The following IK variants were observed in gnomAD, a reference collection of about 807,000 sequenced individuals.
IK encodes the protein protein Red.
A neutral mutation model predicts 90.9 loss-of-function variants in IK; 47 were observed. The ratio of observed to expected loss-of-function variants is 0.52; its 90% CI spans 0.41 to 0.66. IK has a LOEUF of 0.66. Among genes scored for constraint, IK ranks in the 30% least tolerant of loss-of-function variants. The probability of loss-of-function intolerance (pLI) is 0.00; values close to 1 mark genes in which losing one functional copy is unlikely to be tolerated. For missense variants in IK, 385 were observed against 709.3 expected (o/e 0.54, Z 5.19); for synonymous variants, 201 against 227.5 (o/e 0.88, Z 1.05).
chr5:140,660,305 T>C (rs1270472250), intron 15 of IK, 110 bp downstream of exon 15: 1 of 663,846 alleles, frequency 1.5e-6, no homozygotes, highest in Non-Finnish European at 2.5e-6. Context: ...TTTTTTTTTT[T>C]TTTTTTTTTG....
chr5:140,651,373 AG>A (rs918474322), intron 2 of IK, among the ~76,000 whole-genome samples: 10 of 150,106 alleles, frequency 6.7e-5, no homozygotes, highest in Middle Eastern at 3.4e-3. Context: ...CAGGAGGCAG[AG>A]GTTGCAGTGG....
rs111904454 is a variant in IK, at chr5:140,648,175, CTTT to C, written c.16+252_16+254del. 6.3e-3 allele frequency: 4,424 copies of C among 706,154 alleles called. 148 individuals carry two copies. In the African/African-American group the frequency reaches 0.069, roughly 11 times the overall value. 43.7% of individuals were successfully genotyped at this position (706,154 alleles called of 1,614,324 possible). ...ATGGGCGGCTTTTGTGCGTGGATCG[CTTT>C]CCCCCAGTCCTGTCCCCATACTTAA... On this transcript the variant is annotated intron_variant, in intron 1 of 19. Transcript: ENST00000417647.
At chr5:140,658,270 C>T (rs1480697913) in intron 10 of IK, among the ~76,000 whole-genome samples, 1 of 152,008 alleles carries the variant, frequency 6.6e-6, no homozygotes, top group East Asian at 1.9e-4. Flanking sequence ...TCCCAAAGTG[C>T]TGGGATTACA....
Position 140,661,835 on chromosome 5 carries a change from T to A in IK, c.1503-64T>A. On this transcript the variant is annotated intron_variant, in intron 17 of 19. Coordinates refer to ENST00000417647, the MANE Select transcript of IK (RefSeq NM_006083.4). The surrounding 1 kb of genome is among the most constrained non-coding windows in gnomAD (Gnocchi z 4.2). ...CCACTAAGTTCTTTGCCCACAGGAC[T>A]CTGGGAAAACCTCGCCACTGCTATG... 6.7e-7 allele frequency: 1 copy of A among 1,489,022 alleles called. No individual in the cohort carries two copies. Among genetic ancestry groups the A allele is most frequent in the Middle Eastern group, 1.7e-4 (1 of 5,768 alleles). 92.2% of individuals were successfully genotyped at this position (1,489,022 alleles called of 1,614,324 possible).
At chr5:140,655,021 C>A (rs1757682473) in intron 8 of IK, among the ~76,000 whole-genome samples, 1 of 151,816 alleles carries the variant, frequency 6.6e-6, no homozygotes, top group Non-Finnish European at 1.5e-5. Context: ...CTGTGTATTG[C>A]CCAGGCCGGT....
chr5:140,655,833 C>T lies in IK; in HGVS notation c.642C>T (p.Arg214=). The change falls in exon 9 of 20, where the codon CGC becomes CGT. Residue 214 remains arginine (R), a synonymous_variant. Transcript: ENST00000417647. ...NKIEFKTRLG[R]NVYRMLFKSK... Reference sequence around the variant, plus strand: ...CTGCTCTTCTCCTTATTGTAGGCCGCAATGTTTACCGAATGCTTTTTAAGA... The same window carrying T: ...CTGCTCTTCTCCTTATTGTAGGCCGTAATGTTTACCGAATGCTTTTTAAGA... 6.2e-7 allele frequency: 1 copy of T among 1,610,368 alleles called. No individual in the cohort carries two copies.
chr5:140,648,232 G>A, intron 1 of IK: 1 of 704,122 alleles, frequency 1.4e-6, no homozygotes, highest in South Asian at 1.5e-5. Context: ...TATCTTTTAC[G>A]TAGTATTTTA....
In IK at chr5:140,654,127, G is replaced by C. The variant is rs186533523; in HGVS notation, c.519+75G>C. On this transcript the variant is annotated intron_variant, in intron 6 of 19. Coordinates refer to ENST00000417647, the MANE Select transcript of IK (RefSeq NM_006083.4). ...TTGTATGGGTCTGGCAAGATGAGGA[G>C]GGAGATTCCTGAGAGTTCAGACTGA... 1.6e-4 allele frequency: 134 copies of C among 840,718 alleles called. No individual in the cohort carries two copies. The African/African-American group carries it at 1.9e-3, about 12-fold the overall frequency. 52.1% of individuals were successfully genotyped at this position (840,718 alleles called of 1,614,324 possible).
At chr5:140,652,472 A>G (rs1757629597) in intron 4 of IK, among the ~76,000 whole-genome samples, 1 of 152,228 alleles carries the variant, frequency 6.6e-6, no homozygotes, top group Non-Finnish European at 1.5e-5. Flanking sequence ...GTAGGCATTT[A>G]GCACCAATGC....
intron 10 of IK, among the ~76,000 whole-genome samples, chr5:140,658,054 C>G (rs1385192996): frequency 6.6e-6 from 1 of 152,152 alleles, no homozygotes; most frequent in Non-Finnish European, 1.5e-5. Context: ...GGCTGGAGTA[C>G]AGTGGTGCGA....
Position 140,660,199 on chromosome 5 carries a change from T to C in IK, c.1355+4T>C. 6.2e-7 allele frequency: 1 copy of C among 1,607,032 alleles called. No homozygotes were observed. The highest frequency in any genetic ancestry group is 1.1e-5 in the South Asian group (1 of 90,756). On this transcript the variant is annotated splice_donor_region_variant and intron_variant, in intron 15 of 19. Coordinates refer to ENST00000417647, the MANE Select transcript of IK (RefSeq NM_006083.4). ...ATGCAGAGTGCTACCCAGCCACGTA[T>C]GTGAAACCTGGTTAAGGAAGGGAGG...
intron 3 of IK, 60 bp from the exon 4 acceptor site, chr5:140,652,028 C>T (rs746141576): frequency 7.5e-7 from 1 of 1,338,800 alleles, no homozygotes; most frequent in South Asian, 1.2e-5. Context: ...AAGGAGACTT[C>T]TTGGGGTTTC....
rs187621989 is a variant in IK at position 140,652,252 on chromosome 5, C to G, written c.236+105C>G. 581 of 846,750 alleles carry G rather than the reference C, an allele frequency of 6.9e-4. 1 individual carries two copies. In the African/African-American group the frequency reaches 8.9e-3, roughly 13 times the overall value. 52.5% of individuals were successfully genotyped at this position (846,750 alleles called of 1,614,324 possible). The stretch of plus-strand genomic sequence containing the variant: ...GAAACTAAGATTTTGTCTTGAGGCT[C>G]TCTACTTTCTTAATGAAACAGAGTG... On this transcript the variant is annotated intron_variant, in intron 4 of 19. Transcript: ENST00000417647.
chr5:140,659,002 G>A lies in IK; in HGVS notation c.1014G>A (p.Arg338=). 2 of 1,613,774 alleles carry A rather than the reference G, an allele frequency of 1.2e-6. No homozygotes were observed. Among genetic ancestry groups the A allele is most frequent in the Non-Finnish European group, 1.7e-6 (2 of 1,179,696 alleles). ...STTKTPRDKE[R]ERYRERERDR... is the part of the protein sequence containing the mutation. ...CCAAGACACCTCGGGACAAGGAGCG[G>A]GAGAGATATCGGGAACGGGAGCGTG... The change falls in exon 12 of 20, where the codon CGG becomes CGA. Residue 338 remains arginine (R), a synonymous_variant. Coordinates refer to ENST00000417647, the MANE Select transcript of IK (RefSeq NM_006083.4).
intron 2 of IK, 42 bp from the exon 3 acceptor site, chr5:140,651,672 T>A (rs748161354): frequency 1.0e-6 from 1 of 962,748 alleles, no homozygotes. Flanking sequence ...TTTTCATTTC[T>A]TATTGAGTCC....
intron 1 of IK, 54 bp from the exon 2 acceptor site, chr5:140,648,417 A>G (rs1757534178): frequency 2.6e-6 from 4 of 1,539,374 alleles, no homozygotes; most frequent in South Asian, 2.2e-5. Context: ...AAATTTTTGC[A>G]TAGGATCTGA....
chr5:140,648,677 T>C, intron 2 of IK, 140 bp downstream of exon 2: 1 of 831,312 alleles, frequency 1.2e-6, no homozygotes, highest in South Asian at 1.5e-5. Context: ...TCTGTGAGCC[T>C]TAACTGGATC....
In IK at chr5:140,661,091, T is replaced by A; in HGVS notation, c.1413+276T>A. On this transcript the variant is annotated intron_variant, in intron 16 of 19. Transcript: ENST00000417647. This position sits in a 1 kb window ranked among gnomAD's most constrained non-coding sequence, Gnocchi z 4.2. ...ATGGTAGGCAGTAAGCAAGCATCAA[T>A]GCATAAGTAGAAAGGGCAGAAAAAA... 2.5e-6 allele frequency: 1 copy of A among 401,394 alleles called. No individual in the cohort carries two copies. Among genetic ancestry groups the A allele is most frequent in the Non-Finnish European group, 4.4e-6 (1 of 227,206 alleles). 24.9% of individuals were successfully genotyped at this position (401,394 alleles called of 1,614,324 possible).
At chr5:140,656,476 C>A (rs1234732494) in intron 9 of IK, among the ~76,000 whole-genome samples, 2 of 152,172 alleles carry the variant, frequency 1.3e-5, no homozygotes, top group Non-Finnish European at 2.9e-5. Flanking sequence ...TGAGCCACTG[C>A]GCCAGTCCTC....
Sources: gnomAD v4.1 joint callset for allele counts (sites outside exome capture counted in the v4.1 genomes callset) on GRCh38, gnomAD v4.1.1 for gene constraint, Gnocchi (gnomAD v3.1) non-coding constraint, MANE v1.5 for transcripts, NCBI Gene and HGNC (gene_info 2026-07-23, HGNC 2026-07-21) for gene names.